Variants in CHST11 observed in about 807,000 individuals in gnomAD.
CHST11 encodes carbohydrate sulfotransferase 11, also known as C4S-1.
CHST11 carries 9 observed loss-of-function variants against 30.4 expected under a neutral mutation model. That is an observed-to-expected ratio of 0.30 (90% CI 0.18 to 0.52). The LOEUF (loss-of-function observed/expected upper bound fraction) is 0.52, where lower values mean the gene tolerates loss of function less well. Among genes scored for constraint, CHST11 ranks in the 20% least tolerant of loss-of-function variants. CHST11 has a pLI of 0.97. For synonymous variants in CHST11, 152 were observed against 187.8 expected (o/e 0.81, Z 1.56); for missense variants, 348 against 460.6 (o/e 0.76, Z 2.24).
intron 2 of CHST11, among the ~76,000 whole-genome samples, chr12:104,727,776 ATG>A (rs1303159934): frequency 6.6e-6 from 1 of 152,234 alleles, no homozygotes; most frequent in African/African-American, 2.4e-5. Context: ...AGCCATGAAA[ATG>A]GCAAACGAGC....
intron 2 of CHST11, among the ~76,000 whole-genome samples, chr12:104,706,908 G>A (rs534978110): frequency 2.6e-5 from 4 of 152,236 alleles, no homozygotes; most frequent in Non-Finnish European, 4.4e-5. Flanking sequence ...AGAAGGGGTC[G>A]GGAGGAGGAT....
intron 1 of CHST11, among the ~76,000 whole-genome samples, chr12:104,564,603 A>T (rs2038543325): frequency 6.6e-6 from 1 of 152,228 alleles, no homozygotes; most frequent in Non-Finnish European, 1.5e-5. Context: ...CTTGGAGCCT[A>T]GTTCCCTCCC....
At chr12:104,687,667 T>A (rs779899420) in intron 2 of CHST11, among the ~76,000 whole-genome samples, 9 of 152,172 alleles carry the variant, frequency 5.9e-5, no homozygotes, top group Non-Finnish European at 1.0e-4. Context: ...GAGGAGGTAC[T>A]ACGAGTTGAA....
intron 1 of CHST11, among the ~76,000 whole-genome samples, chr12:104,571,847 G>C (rs1252250356): frequency 1.3e-5 from 2 of 152,120 alleles, no homozygotes; most frequent in African/African-American, 2.4e-5. Flanking sequence ...ATTGGCTGTG[G>C]GTTTGTCATA....
At chr12:104,719,190 T>C (rs1487293437) in intron 2 of CHST11, among the ~76,000 whole-genome samples, 1 of 152,128 alleles carries the variant, frequency 6.6e-6, no homozygotes, top group East Asian at 1.9e-4. Context: ...CAACGTACTG[T>C]CTTCTAGGCT....
At chr12:104,573,687 T>TA (rs1405103837) in intron 1 of CHST11, among the ~76,000 whole-genome samples, 1 of 152,224 alleles carries the variant, frequency 6.6e-6, no homozygotes, top group Admixed American at 6.5e-5. Context: ...ATCCCTTCCT[T>TA]ACACCTTATA....
intron 1 of CHST11, among the ~76,000 whole-genome samples, chr12:104,526,445 T>C (rs1033121898): frequency 3.9e-5 from 6 of 152,196 alleles, no homozygotes; most frequent in African/African-American, 1.4e-4. Context: ...CTTCCTGGGA[T>C]GGTGTTCTTG....
intron 1 of CHST11, among the ~76,000 whole-genome samples, chr12:104,493,148 A>G (rs1030541675): frequency 2.0e-5 from 3 of 152,234 alleles, no homozygotes; most frequent in Non-Finnish European, 4.4e-5. Flanking sequence ...TGACCAAAAA[A>G]AGATCGGAAA....
intron 1 of CHST11, among the ~76,000 whole-genome samples, chr12:104,586,424 G>C (rs1471345633): frequency 6.6e-6 from 1 of 152,238 alleles, no homozygotes; most frequent in Non-Finnish European, 1.5e-5. Context: ...TGTGAAGACT[G>C]TGTGAGTGTG....
intron 1 of CHST11, among the ~76,000 whole-genome samples, chr12:104,535,503 C>CT (rs1258825606): frequency 6.6e-6 from 1 of 152,212 alleles, no homozygotes; most frequent in African/African-American, 2.4e-5. Flanking sequence ...CACTGACTCT[C>CT]TTTGACCATG....
intron 2 of CHST11, among the ~76,000 whole-genome samples, chr12:104,639,602 TG>T (rs2136073759): frequency 6.6e-6 from 1 of 152,238 alleles, no homozygotes; most frequent in Admixed American, 6.5e-5. Context: ...GCCTGAGGCA[TG>T]GGGAAAGGCG....
At chr12:104,715,132 A>C (rs1357077982) in intron 2 of CHST11, among the ~76,000 whole-genome samples, 1 of 152,226 alleles carries the variant, frequency 6.6e-6, no homozygotes, top group East Asian at 1.9e-4. Context: ...TGGGAGGCCA[A>C]GGCAGGCGGA....
chr12:104,733,569 T>C (rs1432185817), intron 2 of CHST11, among the ~76,000 whole-genome samples: 5 of 152,242 alleles, frequency 3.3e-5, no homozygotes, highest in Admixed American at 3.3e-4. Context: ...GCATATTCTG[T>C]GAGGTTGGTA....
intron 1 of CHST11, among the ~76,000 whole-genome samples, chr12:104,562,327 G>A (rs140746286): frequency 4.6e-5 from 7 of 152,268 alleles, no homozygotes; most frequent in Admixed American, 2.0e-4. Flanking sequence ...TTACCATTTC[G>A]AAGGGATTTA....
intron 1 of CHST11, among the ~76,000 whole-genome samples, chr12:104,544,543 C>T (rs1363298601): frequency 6.6e-6 from 1 of 151,916 alleles, no homozygotes; most frequent in African/African-American, 2.4e-5. Context: ...TGTGTCTCTA[C>T]TAAAAATACA....
chr12:104,739,634 AT>A (rs907925420), intron 2 of CHST11, among the ~76,000 whole-genome samples: 1 of 152,108 alleles, frequency 6.6e-6, no homozygotes, highest in Non-Finnish European at 1.5e-5. Context: ...AAAGAACTCT[AT>A]TTTTTTCATG....
chr12:104,606,618 A>G (rs2039007599), intron 2 of CHST11, among the ~76,000 whole-genome samples: 2 of 152,112 alleles, frequency 1.3e-5, no homozygotes, highest in African/African-American at 4.8e-5. Context: ...GGATGAGGAG[A>G]GGCTGGTGCT....
chr12:104,587,571 T>C lies in CHST11; in HGVS notation c.119-14335T>C, dbSNP rs9630289. Among the ~76,000 whole-genome samples, 593 of 152,176 alleles carry C rather than the reference T, an allele frequency of 3.9e-3. 9 individuals are homozygous for C. Among genetic ancestry groups the C allele is most frequent in the African/African-American group, 0.013 (554 of 41,508 alleles). On this transcript the variant is annotated intron_variant, in intron 1 of 2. Transcript: ENST00000303694. ...CACCACCACACCTTGGTGGTGTTTG[T>C]ATTTTTTGTAGAGATGGGGTTTTGT...
chr12:104,491,443 C>CTCTTCTTCTTCTTCT (rs147243817), intron 1 of CHST11, among the ~76,000 whole-genome samples: 1 of 151,502 alleles, frequency 6.6e-6, no homozygotes, highest in African/African-American at 2.4e-5. Context: ...TTACCTTAGT[C>CTCTTCTTCTTCTTCT]TCTTCTTCTT....
Sources: allele counts gnomAD v4.1 joint callset (sites outside exome capture counted in the v4.1 genomes callset), GRCh38; gene constraint gnomAD v4.1.1; transcripts MANE v1.5; gene names NCBI Gene and HGNC (gene_info 2026-07-23, HGNC 2026-07-21).